The following GAS7 variants were observed in gnomAD, a reference collection of about 807,000 sequenced individuals.
GAS7 encodes growth arrest specific 7.
GAS7 carries 28 observed loss-of-function variants against 71.1 expected under a neutral mutation model. That is an observed-to-expected ratio of 0.39 (90% CI 0.29 to 0.54). GAS7 has a LOEUF of 0.54. Ranked by LOEUF, GAS7 falls within the 20% of genes least tolerant of loss-of-function variation. The pLI, the probability that GAS7 is intolerant of heterozygous loss-of-function variation, is 0.62. For missense variants in GAS7, 436 were observed against 627.8 expected (o/e 0.69, Z 3.27); for synonymous variants, 258 against 245.8 (o/e 1.05, Z -0.46).
Position 9,919,982 on chromosome 17 carries a change from T to C in GAS7, c.1139-277A>G, listed in dbSNP as rs1214965896. ...GTGGTTCTCATTTTGTGTGTGTGTG[T>C]GTGTGTGTGTGTGTGTGTGTGTGTG... On this transcript the variant is annotated intron_variant, in intron 11 of 13. Coordinates refer to ENST00000432992, the MANE Select transcript of GAS7 (RefSeq NM_201433.2). This position sits in a 1 kb window ranked among gnomAD's most constrained non-coding sequence, Gnocchi z 5.0. Among the ~76,000 whole-genome samples, 1 of 131,410 alleles carries C rather than the reference T, an allele frequency of 7.6e-6. No individual in the cohort carries two copies. The highest frequency in any genetic ancestry group is 1.5e-5 in the Non-Finnish European group (1 of 64,660). 86.2% of individuals were successfully genotyped at this position (131,410 alleles called of 152,430 possible).
chr17:10,017,463 G>T (rs2072084870), intron 2 of GAS7, among the ~76,000 whole-genome samples: 1 of 151,976 alleles, frequency 6.6e-6, no homozygotes, highest in Non-Finnish European at 1.5e-5. Context: ...CGGGTAGCTG[G>T]GACTACAGGC....
intron 1 of GAS7, among the ~76,000 whole-genome samples, chr17:10,192,035 G>C (rs1273209284): frequency 1.3e-5 from 2 of 152,138 alleles, no homozygotes; most frequent in Admixed American, 1.3e-4. Flanking sequence ...AAAGATGGTA[G>C]GGAAGACAGA....
At chr17:10,108,788 G>A (rs953534840) in intron 1 of GAS7, among the ~76,000 whole-genome samples, 1 of 152,104 alleles carries the variant, frequency 6.6e-6, no homozygotes, top group African/African-American at 2.4e-5. Flanking sequence ...ATACGTAGAG[G>A]AATAAAACTG....
At chr17:10,197,491 TAG>T (rs2074549245) in intron 1 of GAS7, among the ~76,000 whole-genome samples, 1 of 152,126 alleles carries the variant, frequency 6.6e-6, no homozygotes, top group African/African-American at 2.4e-5. Context: ...GCCTGTCACA[TAG>T]ACAATAAACA....
intron 3 of GAS7, among the ~76,000 whole-genome samples, chr17:9,979,306 G>C (rs934138931): frequency 1.3e-5 from 2 of 152,130 alleles, no homozygotes; most frequent in Non-Finnish European, 2.9e-5. Context: ...GGGGCAGAGG[G>C]GGACAGGAGT....
At chr17:9,935,304 TC>T (rs2068360644) in intron 8 of GAS7, among the ~76,000 whole-genome samples, 1 of 152,180 alleles carries the variant, frequency 6.6e-6, no homozygotes, top group African/African-American at 2.4e-5. Flanking sequence ...ACTTCTCCAC[TC>T]CAAGGAGAGG....
rs2067606771 is a variant in GAS7 at position 9,917,136 on chromosome 17, G to A, written c.*92C>T. The A allele has an allele frequency of 2.4e-6, 2 of 831,962 alleles. No homozygotes were observed. Among genetic ancestry groups the A allele is most frequent in the South Asian group, 1.3e-5 (1 of 74,344 alleles). 51.5% of individuals were successfully genotyped at this position (831,962 alleles called of 1,614,324 possible). On this transcript the variant is annotated 3_prime_UTR_variant, in exon 14 of 14. Transcript: ENST00000432992. ...CTCCCCTCTCCTCAGTGGCCCAGGA[G>A]AGAGGGTGGGGGGCATCCACTCGGC...
At chr17:10,159,425 A>G (rs988235733) in intron 1 of GAS7, among the ~76,000 whole-genome samples, 9 of 152,088 alleles carry the variant, frequency 5.9e-5, no homozygotes, top group Admixed American at 2.0e-4. Context: ...AGGATAAATA[A>G]TTGATGGTGT....
intron 1 of GAS7, among the ~76,000 whole-genome samples, chr17:10,116,553 C>T (rs1243381832): frequency 6.6e-6 from 1 of 152,100 alleles, no homozygotes; most frequent in African/African-American, 2.4e-5. Flanking sequence ...ATAGCACCAG[C>T]CGCATCCTGC....
At position 10,159,931 on chromosome 17, in the gene GAS7, G is replaced by A. The variant is rs79520627; in HGVS notation, c.183+38277C>T. Among the ~76,000 whole-genome samples the A allele has an allele frequency of 0.023, 3,431 of 152,182 alleles. 324 individuals carry two copies. In the East Asian group the frequency reaches 0.32, roughly 14 times the overall value. On this transcript the variant is annotated intron_variant, in intron 1 of 13. Coordinates refer to ENST00000432992, the MANE Select transcript of GAS7 (RefSeq NM_201433.2). ...CTCCTGAGTAGCTGGGACTACAGGT[G>A]CATGCCACCACACCTAGCTAATTTT...
chr17:10,134,301 G>A (rs1461817121), intron 1 of GAS7, among the ~76,000 whole-genome samples: 2 of 152,150 alleles, frequency 1.3e-5, no homozygotes, highest in Admixed American at 1.3e-4. Flanking sequence ...AAAGTGCTGG[G>A]ATTACAGGTG....
At chr17:9,941,787 T>C (rs1290305886) in intron 7 of GAS7, among the ~76,000 whole-genome samples, 2 of 152,190 alleles carry the variant, frequency 1.3e-5, no homozygotes, top group Non-Finnish European at 2.9e-5. Flanking sequence ...CCCACCAGTT[T>C]AATGGGTCAT....
chr17:10,159,840 C>T (rs2058427477), intron 1 of GAS7, among the ~76,000 whole-genome samples: 1 of 145,004 alleles, frequency 6.9e-6, no homozygotes, highest in Admixed American at 7.1e-5. Context: ...GGCTGAAGTG[C>T]AGTGGCACGA....
chr17:10,140,179 G>A (rs1439352505), intron 1 of GAS7, among the ~76,000 whole-genome samples: 1 of 152,120 alleles, frequency 6.6e-6, no homozygotes, highest in Non-Finnish European at 1.5e-5. Flanking sequence ...TAAAATGCAG[G>A]GGCTGGACAT....
chr17:10,095,161 G>A (rs2073628390), intron 1 of GAS7, among the ~76,000 whole-genome samples: 1 of 152,174 alleles, frequency 6.6e-6, no homozygotes, highest in Admixed American at 6.5e-5. Context: ...CGCTGAATGT[G>A]CCAAGAAGTG....
intron 1 of GAS7, among the ~76,000 whole-genome samples, chr17:10,174,738 C>T (rs944673140): frequency 1.3e-5 from 2 of 152,080 alleles, no homozygotes; most frequent in East Asian, 3.8e-4. Context: ...GATTGAAGCC[C>T]AGAGTGAGGA....
At chr17:9,987,024 A>G (rs1323313425) in intron 2 of GAS7, among the ~76,000 whole-genome samples, 1 of 152,174 alleles carries the variant, frequency 6.6e-6, no homozygotes, top group East Asian at 1.9e-4. Context: ...CTTTTCCAAT[A>G]CAAGATTCCC....
intron 1 of GAS7, among the ~76,000 whole-genome samples, chr17:10,048,422 T>C (rs113924493): frequency 1.3e-5 from 2 of 152,340 alleles, no homozygotes; most frequent in Admixed American, 1.3e-4. Context: ...TCCCTACCAA[T>C]GGCTAGAGAG....
At chr17:10,093,805 CGTATTTCATCTACTAT>C (rs1037964618) in intron 1 of GAS7, among the ~76,000 whole-genome samples, 4 of 152,116 alleles carry the variant, frequency 2.6e-5, no homozygotes, top group South Asian at 2.1e-4. Flanking sequence ...AACACTACTA[CGTATTTCATCTACTAT>C]GTATTTCATC....
Sources: allele counts gnomAD v4.1 joint callset (sites outside exome capture counted in the v4.1 genomes callset), GRCh38; gene constraint gnomAD v4.1.1; non-coding constraint Gnocchi (gnomAD v3.1); transcripts MANE v1.5; gene names NCBI Gene and HGNC (gene_info 2026-07-23, HGNC 2026-07-21).